Variants in CACNA1C observed in about 807,000 individuals in gnomAD.
CACNA1C encodes the protein voltage-dependent L-type calcium channel subunit alpha-1C.
A neutral mutation model predicts 229.0 loss-of-function variants in CACNA1C; 30 were observed. That is an observed-to-expected ratio of 0.13 (90% CI 0.10 to 0.18). The LOEUF (loss-of-function observed/expected upper bound fraction) is 0.18. Among genes scored for constraint, CACNA1C ranks in the 10% least tolerant of loss-of-function variants. The probability of loss-of-function intolerance (pLI) is 1.00; values close to 1 mark genes in which losing one functional copy is unlikely to be tolerated. For synonymous variants in CACNA1C, 1,114 were observed against 1,132.5 expected (o/e 0.98, Z 0.33); for missense variants, 1,658 against 2,845.0 (o/e 0.58, Z 9.49).
In CACNA1C at chr12:2,639,505, A is replaced by G. The variant is rs759493937; in HGVS notation, c.3912+5125A>G. ...ATAGAGAAACATTCCCAAGTTGTCA[A>G]TGAAGAAGCCTTGATTATGCTTCCA... On this transcript the variant is annotated intron_variant, in intron 30 of 46. Coordinates refer to ENST00000399655, the MANE Select transcript of CACNA1C (RefSeq NM_000719.7). This position sits in a 1 kb window ranked among gnomAD's most constrained non-coding sequence, Gnocchi z 4.2. 3.9e-5 allele frequency among the ~76,000 whole-genome samples: 6 copies of G among 152,232 alleles called. No individual in the cohort carries two copies. Among genetic ancestry groups the G allele is most frequent in the East Asian group, 1.9e-4 (1 of 5,194 alleles).
At chr12:2,092,597 C>T (rs1018959103) in intron 1 of CACNA1C, among the ~76,000 whole-genome samples, 11 of 152,160 alleles carry the variant, frequency 7.2e-5, no homozygotes, top group Non-Finnish European at 1.0e-4. Context: ...GGACAGTTGG[C>T]GTCCTTCAGT....
chr12:2,497,727 ATTAAAC>A (rs1454738336), intron 7 of CACNA1C, among the ~76,000 whole-genome samples: 3 of 152,114 alleles, frequency 2.0e-5, no homozygotes, highest in African/African-American at 7.2e-5. Flanking sequence ...CAAGTTAAAA[ATTAAAC>A]TTAAAAATTA....
chr12:2,238,926 TTGAC>T (rs1392052549), intron 3 of CACNA1C, among the ~76,000 whole-genome samples: 1 of 152,224 alleles, frequency 6.6e-6, no homozygotes, highest in Admixed American at 6.5e-5. Flanking sequence ...TTAAATGTCT[TTGAC>T]TGAGTGGCTA....
intron 18 of CACNA1C, among the ~76,000 whole-genome samples, chr12:2,588,570 G>A (rs192530630): frequency 2.0e-5 from 3 of 152,256 alleles, no homozygotes; most frequent in African/African-American, 4.8e-5. Context: ...AATTACCCTC[G>A]CATGACCGCG....
intron 3 of CACNA1C, among the ~76,000 whole-genome samples, chr12:2,394,416 A>C (rs1280004894): frequency 6.6e-6 from 1 of 152,278 alleles, no homozygotes; most frequent in East Asian, 1.9e-4. Flanking sequence ...GGGAAGATGT[A>C]GAATAAATTT....
chr12:2,677,168 A>G lies in CACNA1C; in HGVS notation c.4903A>G (p.Lys1635Glu). 6.2e-7 allele frequency: 1 copy of G among 1,613,854 alleles called. No individual in the cohort carries two copies. The highest frequency in any genetic ancestry group is 8.5e-7 in the Non-Finnish European group (1 of 1,179,852). The change falls in exon 40 of 47, where the codon AAA becomes GAA. Residue 1635 changes from lysine (K) to glutamate (E), a missense_variant. Lys to Glu is a moderately conservative substitution (Grantham distance 56, BLOSUM62 1). Transcript: ENST00000399655. The surrounding 1 kb of genome is among the most constrained non-coding windows in gnomAD (Gnocchi z 7.4). The part of the protein sequence containing the change: ...QEYFRKFKKR[K>E]EQGLVGKPSQ... ...GTACTTCCGGAAGTTCAAGAAGCGC[A>G]AAGAGCAGGGCCTTGTGGGCAAGCC...
intron 28 of CACNA1C, among the ~76,000 whole-genome samples, chr12:2,610,913 G>C (rs1041345060): frequency 2.0e-5 from 3 of 152,248 alleles, no homozygotes; most frequent in African/African-American, 7.2e-5. Context: ...ATGGAGAGAG[G>C]GGAGGAGATG....
intron 3 of CACNA1C, among the ~76,000 whole-genome samples, chr12:2,356,520 G>A (rs1337703460): frequency 1.3e-5 from 2 of 152,256 alleles, no homozygotes; most frequent in African/African-American, 4.8e-5. Context: ...GGCTGGCTCA[G>A]GCGCTGCCCT....
chr12:2,558,554 T>C (rs2045786645), intron 11 of CACNA1C, among the ~76,000 whole-genome samples: 1 of 152,208 alleles, frequency 6.6e-6, no homozygotes, highest in Non-Finnish European at 1.5e-5. Flanking sequence ...GACAGGCTCA[T>C]TGGCCTACCG....
intron 1 of CACNA1C, among the ~76,000 whole-genome samples, chr12:2,093,102 T>G (rs2072031456): frequency 6.6e-6 from 1 of 152,210 alleles, no homozygotes; most frequent in Admixed American, 6.5e-5. Context: ...GGGCCAATCT[T>G]GTGTTGGCCA....
At position 2,479,193 on chromosome 12, in the gene CACNA1C, A is replaced by G. The variant is rs1436095306; in HGVS notation, c.758-6911A>G. Among the ~76,000 whole-genome samples, 10 of 151,840 alleles carry G rather than the reference A, an allele frequency of 6.6e-5. No homozygotes were observed. Among genetic ancestry groups the G allele is most frequent in the Admixed American group, 3.9e-4 (6 of 15,250 alleles). On this transcript the variant is annotated intron_variant, in intron 5 of 46. Transcript: ENST00000399655. The surrounding 1 kb of genome is among the most constrained non-coding windows in gnomAD (Gnocchi z 4.3). ...TTCACTTGAACACCTGTTTTTTTTAAGTTTTTAAAAATTGTTTTAAATTTT... is the reference window on the plus strand; with the variant it reads ...TTCACTTGAACACCTGTTTTTTTTAGGTTTTTAAAAATTGTTTTAAATTTT...
chr12:2,467,170 C>G lies in CACNA1C; in HGVS notation c.757+9464C>G, dbSNP rs184424319. Among the ~76,000 whole-genome samples, 42 of 152,272 alleles carry G rather than the reference C, an allele frequency of 2.8e-4. No individual in the cohort carries two copies. Among genetic ancestry groups the G allele is most frequent in the African/African-American group, 1.0e-3 (42 of 41,568 alleles). ...TGGTCCCTACAACATCTTCTAAGCC[C>G]TTTCCCTCCCACTTCTTTCACTGCC... On this transcript the variant is annotated intron_variant, in intron 5 of 46. Coordinates refer to ENST00000399655, the MANE Select transcript of CACNA1C (RefSeq NM_000719.7). The surrounding 1 kb of genome is among the most constrained non-coding windows in gnomAD (Gnocchi z 4.6).
At chr12:2,098,133 G>C (rs181321650) in intron 1 of CACNA1C, among the ~76,000 whole-genome samples, 1 of 152,190 alleles carries the variant, frequency 6.6e-6, no homozygotes, top group Non-Finnish European at 1.5e-5. Context: ...TTTTCCCACC[G>C]AACTTGGGGA....
chr12:2,452,894 T>C (rs1331132429), intron 4 of CACNA1C, among the ~76,000 whole-genome samples: 1 of 152,180 alleles, frequency 6.6e-6, no homozygotes, highest in Non-Finnish European at 1.5e-5. Flanking sequence ...CTCCATTTCC[T>C]CAGGTTTCAG....
rs377263794 is a variant in CACNA1C at position 2,079,225 on chromosome 12, C to T, written c.49+25614C>T. Among the ~76,000 whole-genome samples, 7 of 151,950 alleles carry T rather than the reference C, an allele frequency of 4.6e-5. No individual in the cohort carries two copies. In the East Asian group the frequency reaches 5.8e-4, roughly 13 times the overall value. On this transcript the variant is annotated intron_variant, in intron 1 of 46. Coordinates refer to ENST00000399655, the MANE Select transcript of CACNA1C (RefSeq NM_000719.7). ...AGCACACCAACATGGCACATGTATACATATGTGACAAACCTGCACGTTGTG... is the reference window on the plus strand; with the variant it reads ...AGCACACCAACATGGCACATGTATATATATGTGACAAACCTGCACGTTGTG...
intron 46 of CACNA1C, 115 bp from the exon 47 acceptor site, chr12:2,690,785 C>A: frequency 9.8e-7 from 1 of 1,023,904 alleles, no homozygotes; most frequent in Non-Finnish European, 1.4e-6. Flanking sequence ...TGCACACACG[C>A]ACACTTCCCC....
chr12:2,105,575 GCC>G (rs2077975508), intron 1 of CACNA1C, among the ~76,000 whole-genome samples: 1 of 151,022 alleles, frequency 6.6e-6, no homozygotes, highest in African/African-American at 2.5e-5. Flanking sequence ...ACCACTGGGC[GCC>G]CACCCCGGGG....
chr12:2,153,679 C>T (rs889284660), intron 3 of CACNA1C, among the ~76,000 whole-genome samples: 1 of 152,184 alleles, frequency 6.6e-6, no homozygotes, highest in African/African-American at 2.4e-5. Flanking sequence ...GAGGCCTCCG[C>T]CCTGCAGTTT....
chr12:2,620,704 G>A (rs1336211947), intron 29 of CACNA1C, among the ~76,000 whole-genome samples: 1 of 152,226 alleles, frequency 6.6e-6, no homozygotes, highest in African/African-American at 2.4e-5. Flanking sequence ...AAGTGAAACC[G>A]AAGCCTACTA....
Sources: allele counts gnomAD v4.1 joint callset (sites outside exome capture counted in the v4.1 genomes callset), GRCh38; gene constraint gnomAD v4.1.1; non-coding constraint Gnocchi (gnomAD v3.1); transcripts MANE v1.5; gene names NCBI Gene and HGNC (gene_info 2026-07-23, HGNC 2026-07-21).